Variants in ASH2L observed in about 807,000 individuals in gnomAD.
ASH2L encodes the protein set1/Ash2 histone methyltransferase complex subunit ASH2.
Under a neutral mutation model 81.1 loss-of-function variants are expected in ASH2L, and 30 were observed. That is an observed-to-expected ratio of 0.37 (90% CI 0.28 to 0.50). The LOEUF (loss-of-function observed/expected upper bound fraction) is 0.50, where lower values mean the gene tolerates loss of function less well. Ranked by LOEUF, ASH2L falls within the 20% of genes least tolerant of loss-of-function variation. The pLI, the probability that ASH2L is intolerant of heterozygous loss-of-function variation, is 0.95. For synonymous variants in ASH2L, 273 were observed against 279.9 expected (o/e 0.98, Z 0.24); for missense variants, 559 against 792.1 (o/e 0.71, Z 3.53).
Position 38,116,659 on chromosome 8 carries a change from A to G in ASH2L, c.787A>G (p.Asn263Asp). The G allele has an allele frequency of 1.9e-6, 3 of 1,611,922 alleles. No individual in the cohort carries two copies. The highest frequency in any genetic ancestry group is 1.7e-6 in the Non-Finnish European group (2 of 1,179,302). Reference sequence around the variant, plus strand: ...GGATGTATTTTTGCAGGACCTTAGTAACATTGGTCCTGCTTATGACAACCA... The same window carrying G: ...GGATGTATTTTTGCAGGACCTTAGTGACATTGGTCCTGCTTATGACAACCA... ...KFGLLDQDLS[N>D]IGPAYDNQKQ... The change falls in exon 8 of 16, where the codon AAC (asparagine) becomes GAC (aspartate). Residue 263 changes from asparagine to aspartate, a missense_variant. This residue lies in a region of ASH2L where 318 missense variants were observed against 527.0 expected (regional missense o/e 0.60). Transcript: ENST00000343823.
Position 38,119,268 on chromosome 8 carries a change from AG to A in ASH2L, c.857del. ...TGAAAGCAATCTGCCTTCTCTTCAA[AG>A]GGGGAATTGCAGCAGGAAGCAGCGG... On this transcript the variant is annotated splice_acceptor_variant, in intron 8 of 15. Transcript: ENST00000343823. LOFTEE classifies it high-confidence loss of function. The A allele has an allele frequency of 6.5e-7, 1 of 1,549,892 alleles. No homozygotes were observed. Among genetic ancestry groups the A allele is most frequent in the Non-Finnish European group, 8.7e-7 (1 of 1,146,292 alleles).
intron 10 of ASH2L, among the ~76,000 whole-genome samples, chr8:38,126,853 C>CAAAAAAAAAA (rs57920604): frequency 0.046 from 5,915 of 129,758 alleles, 449 homozygotes; most frequent in East Asian, 0.24. Context: ...GACTCTGTCT[C>CAAAAAAAAAA]AAAAAAGAAA....
At chr8:38,110,905 A>C in intron 5 of ASH2L, 72 bp downstream of exon 5, 1 of 1,224,884 alleles carries the variant, frequency 8.2e-7, no homozygotes, top group African/African-American at 1.5e-5. Flanking sequence ...ACTCCCTAAC[A>C]AGTACTTTCT....
chr8:38,128,365 C>G lies in ASH2L; in HGVS notation c.1240C>G (p.His414Asp). Residue 414 changes from histidine to aspartate, a missense_variant, in exon 11 of 16, where the codon CAT becomes GAT. Transcript: ENST00000343823. ...GGGCTACTCTATGGTGAGGGCCTCT[C>G]ATGGAGTACGGAAAGGTGCCTGGTA... ...EKGYSMVRAS[H>D]GVRKGAWYFE... 6.2e-7 allele frequency: 1 copy of G among 1,614,142 alleles called. No homozygotes were observed. Among genetic ancestry groups the G allele is most frequent in the Non-Finnish European group, 8.5e-7 (1 of 1,180,028 alleles).
chr8:38,134,049 T>G (rs1177174716), intron 13 of ASH2L, among the ~76,000 whole-genome samples: 2 of 152,178 alleles, frequency 1.3e-5, no homozygotes, highest in Admixed American at 1.3e-4. Context: ...CTGAAACATG[T>G]GCTGTGTCCA....
chr8:38,110,533 A>G, intron 4 of ASH2L, 66 bp downstream of exon 4: 1 of 1,480,222 alleles, frequency 6.8e-7, no homozygotes, highest in Non-Finnish European at 9.4e-7. Context: ...ATCTGGGCGT[A>G]GCAGAATCAG....
rs1802364301 is a variant in ASH2L at position 38,138,641 on chromosome 8, G to A, written c.1720-175G>A. The A allele has an allele frequency of 5.4e-6, 3 of 560,734 alleles. No individual in the cohort carries two copies. In the East Asian group the frequency reaches 8.7e-5, roughly 16 times the overall value. The allele number at this position is 560,734 out of a possible 1,614,324, so 34.7% of individuals were successfully genotyped here. A position where few individuals can be genotyped will look rare whatever the true frequency, so the allele number is the denominator to read the frequency against. ...GATCTCTTTTAGTTACCTAATTCTT[G>A]ATGGACATCAGGATGTTGACCACTT... is the stretch of plus-strand genomic sequence containing the variant. On this transcript the variant is annotated intron_variant, in intron 14 of 15. Transcript: ENST00000343823.
At chr8:38,114,747 T>C (rs1810824187) in intron 6 of ASH2L, 158 bp from the exon 7 acceptor site, 1 of 587,476 alleles carries the variant, frequency 1.7e-6, no homozygotes, top group African/African-American at 1.9e-5. Context: ...TTGTTTGAAT[T>C]TTTTGATGGT....
chr8:38,106,288 T>G, intron 1 of ASH2L, 90 bp from the exon 2 acceptor site: 1 of 1,418,500 alleles, frequency 7.0e-7, no homozygotes, highest in Admixed American at 1.7e-5. Flanking sequence ...GAGTATGAAG[T>G]TCGGCTGTAA....
intron 15 of ASH2L, 35 bp downstream of exon 15, chr8:38,138,910 A>G (rs866520835): frequency 1.2e-6 from 2 of 1,613,680 alleles, no homozygotes; most frequent in South Asian, 2.2e-5. Flanking sequence ...ATGTGTCCTC[A>G]GCATCTCCGT....
chr8:38,108,357 CAGTTTAGGAAAGGAAGTTTACTAGAG>C (rs1810540569), intron 3 of ASH2L, among the ~76,000 whole-genome samples: 1 of 152,040 alleles, frequency 6.6e-6, no homozygotes, highest in Admixed American at 6.6e-5. Context: ...TTTGGATAGA[CAGTTTAGGAAAGGAAGTTTACTAGAG>C]AGATAACTGG....
intron 5 of ASH2L, among the ~76,000 whole-genome samples, chr8:38,111,782 G>A (rs1176580011): frequency 6.6e-6 from 1 of 151,884 alleles, no homozygotes; most frequent in East Asian, 1.9e-4. Flanking sequence ...CTACATTGTG[G>A]GTACACTTTA....
rs183664649 is a variant in ASH2L, at chr8:38,129,003, C to T, written c.1527+52C>T. ...CCTGGCTTTGAAGGCCTGTGGCAGC[C>T]AGTGCTTATCACTGGCTTGTGTGAT... On this transcript the variant is annotated intron_variant, in intron 12 of 15. Transcript: ENST00000343823. 2.7e-5 allele frequency: 43 copies of T among 1,574,200 alleles called. No homozygotes were observed. In the East Asian group the frequency reaches 6.9e-4, roughly 25 times the overall value.
rs190400115 is a variant in ASH2L, at chr8:38,135,417, C to T, written c.1621-251C>T. ...TGAGCCAAGATCACACCACTGCACT[C>T]CAGCCTGAGTCACAGAGTGAGACCC... On this transcript the variant is annotated intron_variant, in intron 13 of 15. Coordinates refer to ENST00000343823, the MANE Select transcript of ASH2L (RefSeq NM_004674.5). Among the ~76,000 whole-genome samples, 494 of 152,080 alleles carry T rather than the reference C, an allele frequency of 3.2e-3. 2 individuals are homozygous for T. The highest frequency in any genetic ancestry group is 4.4e-3 in the Non-Finnish European group (299 of 67,990).
At chr8:38,115,101 C>A in intron 7 of ASH2L, 101 bp downstream of exon 7, 1 of 746,540 alleles carries the variant, frequency 1.3e-6, no homozygotes, top group Non-Finnish European at 2.4e-6. Flanking sequence ...TAACACACTG[C>A]CATTATATGC....
At chr8:38,124,794 GTCT>G (rs1252505169) in intron 10 of ASH2L, 2 of 152,308 alleles carry the variant, frequency 1.3e-5, no homozygotes, top group Non-Finnish European at 1.5e-5. Flanking sequence ...GTGAATACCT[GTCT>G]TAGTCCCTTT....
chr8:38,121,115 G>C lies in ASH2L; in HGVS notation c.1131G>C (p.Leu377Phe). The change falls in exon 10 of 16, where the codon TTG (leucine) becomes TTC (phenylalanine). Residue 377 changes from leucine (L) to phenylalanine (F), a missense_variant. Physicochemically the swap from Leu to Phe is conservative, Grantham distance 22 (BLOSUM62 0). Coordinates refer to ENST00000343823, the MANE Select transcript of ASH2L (RefSeq NM_004674.5). ...CTGGAGACCTCTACAGAGCCTGCTT[G>C]TATGAACGGGTTTTGTTAGCCCTAC... Reference protein sequence around the residue: ...PIPGDLYRACLYERVLLALHD... With the variant: ...PIPGDLYRACFYERVLLALHD... 6.2e-7 allele frequency: 1 copy of C among 1,613,578 alleles called. No individual in the cohort carries two copies. The highest frequency in any genetic ancestry group is 8.5e-7 in the Non-Finnish European group (1 of 1,179,900).
At chr8:38,118,659 C>G (rs1388434901) in intron 8 of ASH2L, among the ~76,000 whole-genome samples, 1 of 152,222 alleles carries the variant, frequency 6.6e-6, no homozygotes, top group East Asian at 1.9e-4. Flanking sequence ...GTGTCATGTG[C>G]AACCACGATG....
At chr8:38,114,451 A>G (rs569369007) in intron 6 of ASH2L, among the ~76,000 whole-genome samples, 164 bp downstream of exon 6, 3 of 152,322 alleles carry the variant, frequency 2.0e-5, no homozygotes, top group East Asian at 3.9e-4. Context: ...GTTTTCACAC[A>G]CAGAATCAGT....
Sources: allele counts gnomAD v4.1 joint callset (sites outside exome capture counted in the v4.1 genomes callset), GRCh38; gene constraint gnomAD v4.1.1; regional missense constraint gnomAD v4.1.1; transcripts MANE v1.5; gene names NCBI Gene and HGNC (gene_info 2026-07-23, HGNC 2026-07-21).